LYPLA1: variants seen among roughly 807,000 people sequenced by gnomAD.
The protein encoded by LYPLA1 is lysophospholipase 1, also known as acyl-protein thioesterase 1.
A neutral mutation model predicts 34.0 loss-of-function variants in LYPLA1; 17 were observed. The observed-to-expected ratio is 0.50, with a 90% CI of 0.34 to 0.75. The LOEUF is 0.75. Among genes scored for constraint, LYPLA1 ranks in the 30% least tolerant of loss-of-function variants. The pLI, the probability that LYPLA1 is intolerant of heterozygous loss-of-function variation, is 0.01. For missense variants in LYPLA1, 203 were observed against 288.8 expected (o/e 0.70, Z 2.15); for synonymous variants, 98 against 100.8 (o/e 0.97, Z 0.17).
At chr8:54,054,108 G>A (rs1806035883) in intron 6 of LYPLA1, among the ~76,000 whole-genome samples, 1 of 152,130 alleles carries the variant, frequency 6.6e-6, no homozygotes, top group African/African-American at 2.4e-5. Context: ...AGCCTCCGGA[G>A]TAGCTGGAGT....
chr8:54,074,119 CA>C (rs1807703269), intron 2 of LYPLA1, among the ~76,000 whole-genome samples: 1 of 152,072 alleles, frequency 6.6e-6, no homozygotes, highest in Non-Finnish European at 1.5e-5. Flanking sequence ...ACTAAAAATA[CA>C]AAAATTAGCT....
In LYPLA1 at chr8:54,101,917, C is replaced by G. The variant is rs1810200445; in HGVS notation, c.-94G>C. The G allele has an allele frequency of 1.5e-6, 1 of 678,144 alleles. No individual in the cohort carries two copies. Among genetic ancestry groups the G allele is most frequent in the Admixed American group, 5.3e-5 (1 of 18,774 alleles). 42.0% of individuals were successfully genotyped at this position (678,144 alleles called of 1,614,324 possible). ...AGCGGCGAGTCCCGGCCGGCCCCAC[C>G]GGGCGCACGCTCAGGCGCGTGCGCG... is the stretch of plus-strand genomic sequence containing the variant. On this transcript the variant is annotated 5_prime_UTR_variant, in exon 1 of 9. Coordinates refer to ENST00000316963, the MANE Select transcript of LYPLA1 (RefSeq NM_006330.4).
intron 8 of LYPLA1, among the ~76,000 whole-genome samples, chr8:54,050,105 A>T (rs971938094): frequency 6.6e-6 from 1 of 152,216 alleles, no homozygotes; most frequent in African/African-American, 2.4e-5. Flanking sequence ...TTGATCAATT[A>T]TATTAGTAAT....
intron 2 of LYPLA1, among the ~76,000 whole-genome samples, chr8:54,088,180 G>A (rs1394235376): frequency 1.3e-5 from 2 of 152,194 alleles, no homozygotes; most frequent in Non-Finnish European, 2.9e-5. Flanking sequence ...AATTGAGGGA[G>A]CTAAGAACAT....
intron 2 of LYPLA1, among the ~76,000 whole-genome samples, chr8:54,097,859 TAAC>T (rs1198049914): frequency 1.3e-5 from 2 of 152,218 alleles, no homozygotes; most frequent in Non-Finnish European, 2.9e-5. Flanking sequence ...AAAACAATTA[TAAC>T]AATATGACAA....
chr8:54,091,053 A>AT (rs1809208196), intron 2 of LYPLA1, among the ~76,000 whole-genome samples: 1 of 152,148 alleles, frequency 6.6e-6, no homozygotes, highest in Non-Finnish European at 1.5e-5. Context: ...AAGAGAACTA[A>AT]TACACAGGGT....
intron 8 of LYPLA1, among the ~76,000 whole-genome samples, chr8:54,050,363 TCTAGAATGTAGATCAGATCACATCTC>T (rs1182140681): frequency 6.6e-6 from 1 of 152,210 alleles, no homozygotes; most frequent in Admixed American, 6.5e-5. Flanking sequence ...ATCACCTGTC[TCTAGAATGTAGATCAGATCACATCTC>T]ACTTCAACCA....
chr8:54,073,892 C>T (rs1441670089), intron 2 of LYPLA1, among the ~76,000 whole-genome samples: 2 of 152,150 alleles, frequency 1.3e-5, no homozygotes, highest in Non-Finnish European at 2.9e-5. Context: ...TGAATTATAT[C>T]TTCAGATTAT....
downstream of LYPLA1, chr8:54,042,996 TG>T (rs1167533506): frequency 2.0e-5 from 3 of 152,212 alleles, no homozygotes; most frequent in African/African-American, 7.2e-5. Context: ...ATTGAGTAAA[TG>T]TTCATGGTTT....
chr8:54,092,459 G>T (rs546299079), intron 2 of LYPLA1, among the ~76,000 whole-genome samples: 50 of 152,226 alleles, frequency 3.3e-4, no homozygotes, highest in African/African-American at 1.2e-3. Flanking sequence ...ACTGGCAGTG[G>T]GGCCCAAGAA....
At position 54,047,083 on chromosome 8, in the gene LYPLA1, A is replaced by G. The variant is rs917502116; in HGVS notation, c.*982T>C. ...GAAGTTAGTTTTTAAGATCAGTCTTAAAGATATTTCAGAACATACTAGAAT... is the reference window on the plus strand; with the variant it reads ...GAAGTTAGTTTTTAAGATCAGTCTTGAAGATATTTCAGAACATACTAGAAT... On this transcript the variant is annotated 3_prime_UTR_variant, in exon 9 of 9. Transcript: ENST00000316963. 6.6e-6 allele frequency: 1 copy of G among 152,164 alleles called. No individual in the cohort carries two copies. The highest frequency in any genetic ancestry group is 1.5e-5 in the Non-Finnish European group (1 of 67,986). The allele number at this position is 152,164 out of a possible 1,614,324, so 9.4% of individuals were successfully genotyped here. A position where few individuals can be genotyped will look rare whatever the true frequency, so the allele number is the denominator to read the frequency against.
intron 2 of LYPLA1, among the ~76,000 whole-genome samples, chr8:54,092,154 C>A (rs758137041): frequency 6.8e-6 from 1 of 146,358 alleles, no homozygotes. Context: ...GAGGCAGAGG[C>A]GGCGGCGGAG....
intron 2 of LYPLA1, 72 bp downstream of exon 2, chr8:54,100,836 C>A: frequency 8.1e-7 from 1 of 1,235,694 alleles, no homozygotes; most frequent in East Asian, 2.3e-5. Flanking sequence ...AAACATTAAA[C>A]CTTTGAACGC....
At chr8:54,049,414 CTTT>C (rs1042648238) in intron 8 of LYPLA1, among the ~76,000 whole-genome samples, 2 of 151,654 alleles carry the variant, frequency 1.3e-5, no homozygotes, top group Non-Finnish European at 2.9e-5. Flanking sequence ...TCCTTTCTTT[CTTT>C]TTTTTAGGGT....
intron 2 of LYPLA1, among the ~76,000 whole-genome samples, chr8:54,094,054 T>C (rs1049577451): frequency 6.6e-6 from 1 of 152,254 alleles, no homozygotes. Flanking sequence ...AACATATCCA[T>C]GTTGCCAATT....
chr8:54,092,148 C>T (rs1265010927), intron 2 of LYPLA1, among the ~76,000 whole-genome samples: 2 of 147,852 alleles, frequency 1.4e-5, no homozygotes, highest in African/African-American at 5.0e-5. Context: ...ATGGAAGAGG[C>T]AGAGGCGGCG....
chr8:54,067,887 CTG>C (rs2129337560), intron 2 of LYPLA1, among the ~76,000 whole-genome samples: 1 of 151,928 alleles, frequency 6.6e-6, no homozygotes, highest in South Asian at 2.1e-4. Context: ...CGGGGTTTTA[CTG>C]TGTTAGCCAG....
intron 2 of LYPLA1, among the ~76,000 whole-genome samples, chr8:54,082,790 G>A (rs539206039): frequency 4.6e-5 from 7 of 151,974 alleles, no homozygotes; most frequent in Admixed American, 6.6e-5. Flanking sequence ...GCAGTGGCGC[G>A]ATCTCGGCTC....
chr8:54,099,743 G>C (rs536184993), intron 2 of LYPLA1, among the ~76,000 whole-genome samples: 1 of 151,230 alleles, frequency 6.6e-6, no homozygotes, highest in South Asian at 2.1e-4. Context: ...GAGTGCAGTC[G>C]TGCAATCTTG....
Sources: gnomAD v4.1 joint callset for allele counts (sites outside exome capture counted in the v4.1 genomes callset) on GRCh38, gnomAD v4.1.1 for gene constraint, MANE v1.5 for transcripts, NCBI Gene and HGNC (gene_info 2026-07-23, HGNC 2026-07-21) for gene names.